Variants in ARHGAP24 observed in about 807,000 individuals in gnomAD.
ARHGAP24 encodes the protein rho GTPase-activating protein 24.
ARHGAP24 carries 50 observed loss-of-function variants against 76.4 expected under a neutral mutation model. The observed-to-expected ratio is 0.65, with a 90% CI of 0.52 to 0.83. The LOEUF (loss-of-function observed/expected upper bound fraction) is 0.83. Among genes scored for constraint, ARHGAP24 ranks in the 40% least tolerant of loss-of-function variants. The pLI is 0.00. For synonymous variants in ARHGAP24, 345 were observed against 323.3 expected, an observed-to-expected ratio of 1.07 and a Z score of -0.72; for missense variants, 930 against 914.2, an observed-to-expected ratio of 1.02 and a Z score of -0.22.
intron 3 of ARHGAP24, among the ~76,000 whole-genome samples, chr4:85,901,782 G>T (rs1734506086): frequency 6.6e-6 from 1 of 151,944 alleles, no homozygotes; most frequent in Non-Finnish European, 1.5e-5. Context: ...GAGATGGTCT[G>T]GTCTGTTGGC....
chr4:85,871,962 T>A (rs1560686048), intron 3 of ARHGAP24, among the ~76,000 whole-genome samples: 1 of 152,014 alleles, frequency 6.6e-6, no homozygotes, highest in South Asian at 2.1e-4. Flanking sequence ...CTATTGCCAA[T>A]ATTTTAAAAC....
chr4:85,925,950 T>A (rs1736000414), intron 4 of ARHGAP24, among the ~76,000 whole-genome samples: 1 of 152,172 alleles, frequency 6.6e-6, no homozygotes, highest in Admixed American at 6.5e-5. Flanking sequence ...AGAAGAATCT[T>A]TAATATCTAC....
At chr4:85,744,128 TTTGA>T (rs1258298635) in intron 3 of ARHGAP24, among the ~76,000 whole-genome samples, 2 of 152,236 alleles carry the variant, frequency 1.3e-5, no homozygotes, top group African/African-American at 4.8e-5. Context: ...GTGTGTTTGT[TTTGA>T]TTATCACATA....
At chr4:85,974,431 A>T (rs532364253) in intron 6 of ARHGAP24, among the ~76,000 whole-genome samples, 1 of 152,206 alleles carries the variant, frequency 6.6e-6, no homozygotes, top group East Asian at 1.9e-4. Context: ...TTCCAGAAAG[A>T]TCACTTTTTT....
At chr4:85,731,502 T>C (rs1196294044) in intron 3 of ARHGAP24, among the ~76,000 whole-genome samples, 1 of 152,214 alleles carries the variant, frequency 6.6e-6, no homozygotes, top group African/African-American at 2.4e-5. Context: ...ATTGATCACA[T>C]TGGATTAGTC....
chr4:85,958,542 A>C (rs1398943114), intron 5 of ARHGAP24, among the ~76,000 whole-genome samples: 2 of 152,202 alleles, frequency 1.3e-5, no homozygotes, highest in Non-Finnish European at 2.9e-5. Context: ...ATTCCTACTG[A>C]AAATAAGTAA....
chr4:85,586,951 T>G (rs543648503), intron 2 of ARHGAP24, among the ~76,000 whole-genome samples: 3 of 152,230 alleles, frequency 2.0e-5, no homozygotes, highest in African/African-American at 7.2e-5. Context: ...TTAATTCACA[T>G]AATACCTTAA....
chr4:85,963,399 A>T (rs1738377800), intron 5 of ARHGAP24, among the ~76,000 whole-genome samples: 1 of 152,088 alleles, frequency 6.6e-6, no homozygotes, highest in South Asian at 2.1e-4. Context: ...AACTGTGTTG[A>T]TTTATTTTGT....
At chr4:85,914,622 C>T (rs958764013) in intron 3 of ARHGAP24, among the ~76,000 whole-genome samples, 1 of 152,190 alleles carries the variant, frequency 6.6e-6, no homozygotes, top group African/African-American at 2.4e-5. Flanking sequence ...CCTTTATCAA[C>T]TTATTGAGAC....
rs190566735 is a variant in ARHGAP24, at chr4:85,624,910, G to A, written c.180+54189G>A. On this transcript the variant is annotated intron_variant, in intron 2 of 9. Transcript: ENST00000395184. The stretch of plus-strand genomic sequence containing the variant: ...TCGTAGTTTGTATTTCTGTGGGATC[G>A]TGGTGATATCCCCTTTCTCATTTTT... Among the ~76,000 whole-genome samples the A allele has an allele frequency of 1.5e-3, 234 of 152,194 alleles. 1 individual carries two copies. The highest frequency in any genetic ancestry group is 5.2e-3 in the African/African-American group (218 of 41,524).
chr4:85,764,255 C>T (rs552063002), intron 3 of ARHGAP24, among the ~76,000 whole-genome samples: 7 of 151,964 alleles, frequency 4.6e-5, no homozygotes, highest in Non-Finnish European at 8.8e-5. Flanking sequence ...AAGAGAGATG[C>T]TGAAGGGATC....
At chr4:85,742,308 G>T (rs953001514) in intron 3 of ARHGAP24, among the ~76,000 whole-genome samples, 1 of 152,156 alleles carries the variant, frequency 6.6e-6, no homozygotes, top group Non-Finnish European at 1.5e-5. Context: ...CATGGAGAGC[G>T]GGAGAAAATG....
intron 4 of ARHGAP24, among the ~76,000 whole-genome samples, chr4:85,925,940 A>G (rs997017169): frequency 6.6e-6 from 1 of 152,186 alleles, no homozygotes; most frequent in Non-Finnish European, 1.5e-5. Context: ...TCCTGAGTTC[A>G]GAAGAATCTT....
At chr4:85,499,859 T>A (rs1456629235) in intron 1 of ARHGAP24, among the ~76,000 whole-genome samples, 1 of 152,224 alleles carries the variant, frequency 6.6e-6, no homozygotes, top group Non-Finnish European at 1.5e-5. Context: ...TTAATTTTAA[T>A]GAACTTATAT....
At chr4:85,843,178 A>G (rs745743017) in intron 3 of ARHGAP24, among the ~76,000 whole-genome samples, 20 of 152,208 alleles carry the variant, frequency 1.3e-4, no homozygotes, top group Non-Finnish European at 2.5e-4. Flanking sequence ...ATGGTACAGT[A>G]ATATTTTCTA....
At position 85,917,161 on chromosome 4, in the gene ARHGAP24, T is replaced by G. The variant is rs1229281744; in HGVS notation, c.269-6487T>G. The stretch of plus-strand genomic sequence containing the variant: ...CCCACCTATGAGTGAGAACATGCAG[T>G]GTTTGGTTTTTTGTCCTTGCAATAG... On this transcript the variant is annotated intron_variant, in intron 3 of 9. Transcript: ENST00000395184. 5.9e-5 allele frequency among the ~76,000 whole-genome samples: 9 copies of G among 151,862 alleles called. No individual in the cohort carries two copies. In the East Asian group the frequency reaches 1.7e-3, roughly 29 times the overall value.
rs377530894 is a variant in ARHGAP24, at chr4:85,970,288, C to T, written c.600-1748C>T. 7.2e-5 allele frequency among the ~76,000 whole-genome samples: 11 copies of T among 152,296 alleles called. No homozygotes were observed. The East Asian group carries it at 9.7e-4, about 13-fold the overall frequency. On this transcript the variant is annotated intron_variant, in intron 5 of 9. Transcript: ENST00000395184. ...GAAATGCCTTCTGTCCTTACACACC[C>T]TTCGGATCTTGGCTCCAACATCATT... is the stretch of plus-strand genomic sequence containing the variant.
Position 85,670,313 on chromosome 4 carries a change from T to C in ARHGAP24, c.181-51572T>C, listed in dbSNP as rs371713218. Among the ~76,000 whole-genome samples, 97 of 152,322 alleles carry C rather than the reference T, an allele frequency of 6.4e-4. No individual in the cohort carries two copies. The South Asian group carries it at 0.019, about 30-fold the overall frequency. ...TGATTCTGTTTGCCATTTATTTGAC[T>C]TAAGTTAGAATTACATCTTGCCCAT... On this transcript the variant is annotated intron_variant, in intron 2 of 9. Transcript: ENST00000395184.
At chr4:85,808,009 G>T (rs1198982821) in intron 3 of ARHGAP24, among the ~76,000 whole-genome samples, 1 of 152,066 alleles carries the variant, frequency 6.6e-6, no homozygotes, top group Non-Finnish European at 1.5e-5. Context: ...TTTCTTGAGA[G>T]TTTTTTATTA....
Sources: allele counts gnomAD v4.1 joint callset (sites outside exome capture counted in the v4.1 genomes callset), GRCh38; gene constraint gnomAD v4.1.1; transcripts MANE v1.5; gene names NCBI Gene and HGNC (gene_info 2026-07-23, HGNC 2026-07-21).